TRIM48: variants seen among roughly 807,000 people sequenced by gnomAD.
TRIM48 encodes E3 ubiquitin-protein ligase TRIM48.
In TRIM48, 31 loss-of-function variants were observed where a neutral mutation model predicts 29.5. The ratio of observed to expected loss-of-function variants is 1.05; its 90% confidence interval spans 0.79 to 1.42. TRIM48 has a LOEUF of 1.42. TRIM48 is among the 40% of genes most tolerant of loss of function. TRIM48 has a pLI of 0.00. For missense variants in TRIM48, 344 were observed against 265.0 expected (o/e 1.30, Z -2.07); for synonymous variants, 128 against 90.6 (o/e 1.41, Z -2.34).
At chr11:55,267,010 C>A (rs1384058547) in intron 3 of TRIM48, among the ~76,000 whole-genome samples, 1 of 147,776 alleles carries the variant, frequency 6.8e-6, no homozygotes, top group African/African-American at 2.5e-5. Context: ...AAGGTCATTT[C>A]ATATATAATG....
Position 55,266,373 on chromosome 11 carries a change from A to C in TRIM48, c.555+678A>C, listed in dbSNP as rs972876665. On this transcript the variant is annotated intron_variant, in intron 3 of 5. Transcript: ENST00000417545. ...TGTGGATGTATACTCTGAGGGTATG[A>C]TAGCTAATATTAGTGTGTTGAAAAG... Among the ~76,000 whole-genome samples, 27 of 147,450 alleles carry C rather than the reference A, an allele frequency of 1.8e-4. 2 individuals are homozygous for C. Among genetic ancestry groups the C allele is most frequent in the Non-Finnish European group, 4.0e-4 (27 of 66,900 alleles).
chr11:55,267,109 G>T (rs1857405735), intron 3 of TRIM48, among the ~76,000 whole-genome samples: 1 of 147,668 alleles, frequency 6.8e-6, no homozygotes, highest in Non-Finnish European at 1.5e-5. Context: ...TCTTAAGCAT[G>T]AACTATTCTT....
chr11:55,265,430 G>A lies in TRIM48; in HGVS notation c.459+116G>A, dbSNP rs989566740. On this transcript the variant is annotated intron_variant, in intron 2 of 5. Transcript: ENST00000417545. ...GAGTCCCTTTAAGCAACTCTCTTTTGGGCTTTCTTAGCTTCAAACCTCTGA... is the reference window on the plus strand; with the variant it reads ...GAGTCCCTTTAAGCAACTCTCTTTTAGGCTTTCTTAGCTTCAAACCTCTGA... 13 of 1,515,222 alleles carry A rather than the reference G, an allele frequency of 8.6e-6. 2 individuals carry two copies. The highest frequency in any genetic ancestry group is 1.3e-5 in the South Asian group (1 of 76,498). The allele number at this position is 1,515,222 out of a possible 1,614,324, so 93.9% of individuals were successfully genotyped here. A position where few individuals can be genotyped will look rare whatever the true frequency, so the allele number is the denominator to read the frequency against.
chr11:55,267,013 A>G (rs1385733674), intron 3 of TRIM48, among the ~76,000 whole-genome samples: 1 of 148,088 alleles, frequency 6.8e-6, no homozygotes, highest in Non-Finnish European at 1.5e-5. Context: ...GTCATTTCAT[A>G]TATAATGAGT....
In TRIM48 at chr11:55,271,025, A is replaced by G; in HGVS notation, c.*590A>G. On this transcript the variant is annotated 3_prime_UTR_variant, in exon 6 of 6. Coordinates refer to ENST00000417545, the MANE Select transcript of TRIM48 (RefSeq NM_024114.5). ...TCCTTGTGCCTTATCAAACAGGACA[A>G]ATAGGTTCGGTTTTATGTCTTGAAT... 1 of 1,434,214 alleles carries G rather than the reference A, an allele frequency of 7.0e-7. No individual in the cohort carries two copies. Among genetic ancestry groups the G allele is most frequent in the African/African-American group, 1.6e-5 (1 of 63,268 alleles). The allele number at this position is 1,434,214 out of a possible 1,614,324, so 88.8% of individuals were successfully genotyped here.
At chr11:55,264,449 T>C (rs1296106658) in intron 1 of TRIM48, among the ~76,000 whole-genome samples, 2 of 148,258 alleles carry the variant, frequency 1.3e-5, no homozygotes, top group African/African-American at 4.9e-5. Context: ...TGCCCCACTG[T>C]TGTGTCTCTC....
intron 3 of TRIM48, among the ~76,000 whole-genome samples, chr11:55,268,101 G>T (rs1857420840): frequency 6.8e-6 from 1 of 147,730 alleles, no homozygotes; most frequent in African/African-American, 2.5e-5. Context: ...ATGGAGCATA[G>T]ACTCTCTGGG....
chr11:55,265,815 A>C (rs1237702368), intron 3 of TRIM48, 120 bp downstream of exon 3: 1 of 1,140,898 alleles, frequency 8.8e-7, no homozygotes, highest in Non-Finnish European at 1.2e-6. Context: ...AAAAAAAAAG[A>C]GAAGAAAACA....
At chr11:55,269,846 C>T (rs928300720) in intron 5 of TRIM48, among the ~76,000 whole-genome samples, 2 of 147,244 alleles carry the variant, frequency 1.4e-5, no homozygotes, top group Non-Finnish European at 3.0e-5. Flanking sequence ...AGTAAAACAT[C>T]AAACAAAAAG....
rs757443704 is a variant in TRIM48 at position 55,264,877 on chromosome 11, A to T, written c.45-23A>T. ...TTTCATCAACCCAGACCCCAAAATGACATGCTGCTCTTTCTTCCTCAGAAA... is the reference window on the plus strand; with the variant it reads ...TTTCATCAACCCAGACCCCAAAATGTCATGCTGCTCTTTCTTCCTCAGAAA... On this transcript the variant is annotated intron_variant, in intron 1 of 5. Transcript: ENST00000417545. 27 of 1,582,666 alleles carry T rather than the reference A, an allele frequency of 1.7e-5. 5 individuals are homozygous for T. The East Asian group carries it at 5.3e-4, about 31-fold the overall frequency.
rs1404983446 is a variant in TRIM48, at chr11:55,262,316, G to A, written c.44+5G>A. 1.9e-6 allele frequency: 3 copies of A among 1,542,246 alleles called. No individual in the cohort carries two copies. The highest frequency in any genetic ancestry group is 2.6e-6 in the Non-Finnish European group (3 of 1,140,360). ...AACCCTTCAAAGAACCCAGCGGTGAGTGAAACTTATATTGATAAAATTATA... is the reference window on the plus strand; with the variant it reads ...AACCCTTCAAAGAACCCAGCGGTGAATGAAACTTATATTGATAAAATTATA... On this transcript the variant is annotated splice_donor_5th_base_variant and intron_variant, in intron 1 of 5. Coordinates refer to ENST00000417545, the MANE Select transcript of TRIM48 (RefSeq NM_024114.5).
intron 3 of TRIM48, chr11:55,267,648 C>T (rs1481877091): frequency 3.2e-6 from 5 of 1,565,070 alleles, no homozygotes; most frequent in East Asian, 2.5e-5. Flanking sequence ...GGTACAAACT[C>T]GCAATGTGGT....
Position 55,270,860 on chromosome 11 carries a change from G to T in TRIM48, c.*425G>T, listed in dbSNP as rs534228696. ...GTGAGCTTCGTTGATGTTAGTCAAAGCTCCCCTATATACACCATCCCTAAT... is the reference window on the plus strand; with the variant it reads ...GTGAGCTTCGTTGATGTTAGTCAAATCTCCCCTATATACACCATCCCTAAT... On this transcript the variant is annotated 3_prime_UTR_variant, in exon 6 of 6. Coordinates refer to ENST00000417545, the MANE Select transcript of TRIM48 (RefSeq NM_024114.5). 44 of 1,566,660 alleles carry T rather than the reference G, an allele frequency of 2.8e-5. 5 individuals are homozygous for T. The highest frequency in any genetic ancestry group is 3.6e-5 in the South Asian group (3 of 83,216).
rs186685639 is a variant in TRIM48, at chr11:55,262,250, G to A, written c.-18G>A. On this transcript the variant is annotated 5_prime_UTR_variant, in exon 1 of 6. Transcript: ENST00000417545. ...GCAGCGAATGAGCTCCTGACCTTGA[G>A]GAGTACTTAACAGAATTATGTCTCG... is the stretch of plus-strand genomic sequence containing the variant. The A allele has an allele frequency of 2.6e-6, 4 of 1,548,102 alleles. No individual in the cohort carries two copies. The highest frequency in any genetic ancestry group is 3.5e-6 in the Non-Finnish European group (4 of 1,145,712).
intron 5 of TRIM48, among the ~76,000 whole-genome samples, chr11:55,270,159 C>A (rs1373319541): frequency 6.8e-6 from 1 of 147,936 alleles, no homozygotes; most frequent in Non-Finnish European, 1.5e-5. Context: ...GCAAATTTTG[C>A]TTTGAAAATT....
At chr11:55,265,838 G>T in intron 3 of TRIM48, 143 bp downstream of exon 3, 2 of 1,106,188 alleles carry the variant, frequency 1.8e-6, no homozygotes, top group South Asian at 1.9e-5. Context: ...GAGAAAAAAT[G>T]GTCTCATTTC....
rs1214408617 is a variant in TRIM48 at position 55,265,673 on chromosome 11, C to T, written c.533C>T (p.Thr178Ile). 1.3e-6 allele frequency: 2 copies of T among 1,580,914 alleles called. No individual in the cohort carries two copies. The change falls in exon 3 of 6, where the codon ACC becomes ATC. Residue 178 changes from threonine (T) to isoleucine (I), a missense_variant. Physicochemically the swap from Thr to Ile is moderately conservative, Grantham distance 89. Coordinates refer to ENST00000417545, the MANE Select transcript of TRIM48 (RefSeq NM_024114.5). ...AATCAGAGAAACCTGAATGTGGAAA[C>T]CACCAGAATCAGCCACTGGAAGGTT... Reference protein sequence around the residue: ...CENQRNLNVETTRISHWKAFG... With the variant: ...CENQRNLNVEITRISHWKAFG...
At chr11:55,264,302 T>A (rs1440338364) in intron 1 of TRIM48, among the ~76,000 whole-genome samples, 7 of 147,950 alleles carry the variant, frequency 4.7e-5, no homozygotes, top group African/African-American at 1.7e-4. Flanking sequence ...TTTATTTGGT[T>A]GGTTGATTGG....
chr11:55,269,329 C>A lies in TRIM48; in HGVS notation c.666C>A (p.Asn222Lys), dbSNP rs148097625. The A allele has an allele frequency of 1.5e-5, 23 of 1,575,156 alleles. 1 individual carries two copies. The African/African-American group carries it at 2.6e-4, about 18-fold the overall frequency. Residue 222 changes from asparagine (N) to lysine (K), a missense_variant, in exon 5 of 6, where the codon AAC (asparagine) becomes AAA (lysine). Transcript: ENST00000417545. ...GPITGLRDRL[N>K]QF is the part of the protein sequence containing the mutation. The stretch of plus-strand genomic sequence containing the variant: ...TCACTGGACTGAGGGACAGGCTCAA[C>A]CAATTCTGAGGTAAGTCTCCACCCA...
Sources: allele counts gnomAD v4.1 joint callset (sites outside exome capture counted in the v4.1 genomes callset), GRCh38; gene constraint gnomAD v4.1.1; transcripts MANE v1.5; gene names NCBI Gene and HGNC (gene_info 2026-07-23, HGNC 2026-07-21).